THSD7A: variants seen among roughly 807,000 people sequenced by gnomAD.
THSD7A encodes thrombospondin type 1 domain containing 7A, also known as thrombospondin type-1 domain-containing protein 7A.
A neutral mutation model predicts 231.3 loss-of-function variants in THSD7A; 96 were observed. The ratio of observed to expected loss-of-function variants is 0.41; its 90% confidence interval spans 0.35 to 0.49. THSD7A has a LOEUF of 0.49. Ranked by LOEUF, THSD7A falls within the 20% of genes least tolerant of loss-of-function variation. The pLI is 0.05. For synonymous variants in THSD7A, 940 were observed against 743.3 expected (o/e 1.26, Z -4.30); for missense variants, 2,290 against 2,070.2 (o/e 1.11, Z -2.06).
chr7:11,593,650 A>G, intron 2 of THSD7A, 148 bp from the exon 3 acceptor site: 3 of 987,450 alleles, frequency 3.0e-6, no homozygotes, highest in Non-Finnish European at 4.5e-6. Flanking sequence ...AACATTTATG[A>G]TGTGGAAAAG....
intron 4 of THSD7A, among the ~76,000 whole-genome samples, chr7:11,553,905 C>G (rs1319552934): frequency 1.3e-5 from 2 of 151,762 alleles, no homozygotes; most frequent in East Asian, 3.9e-4. Flanking sequence ...ATGAAGTATT[C>G]TGAAGATACA....
chr7:11,601,449 T>G (rs187439351), intron 2 of THSD7A, among the ~76,000 whole-genome samples: 8 of 152,330 alleles, frequency 5.3e-5, no homozygotes, highest in Non-Finnish European at 1.0e-4. Flanking sequence ...TGGGCTTCTC[T>G]GCATGTGGCA....
At chr7:11,437,202 G>T (rs1444815812) in intron 13 of THSD7A, among the ~76,000 whole-genome samples, 2 of 152,040 alleles carry the variant, frequency 1.3e-5, no homozygotes, top group Non-Finnish European at 2.9e-5. Context: ...TGAGGTGTCG[G>T]AACATGAACT....
intron 6 of THSD7A, among the ~76,000 whole-genome samples, chr7:11,522,195 T>G (rs1353178573): frequency 1.3e-5 from 2 of 152,142 alleles, no homozygotes; most frequent in African/African-American, 2.4e-5. Context: ...AATAACATAT[T>G]CCTTTCTCTT....
intron 1 of THSD7A, among the ~76,000 whole-genome samples, chr7:11,816,352 G>A (rs1784704723): frequency 6.6e-6 from 1 of 152,160 alleles, no homozygotes; most frequent in Non-Finnish European, 1.5e-5. Flanking sequence ...TTTTTATACA[G>A]ATACATGTAA....
chr7:11,556,711 T>A (rs73052413), intron 4 of THSD7A, among the ~76,000 whole-genome samples: 37,995 of 151,794 alleles, frequency 0.25, 4,853 homozygotes, highest in Middle Eastern at 0.38. Context: ...TATTTTTCCT[T>A]CATTCTTGAA....
chr7:11,775,401 T>C (rs1783370022), intron 1 of THSD7A, among the ~76,000 whole-genome samples: 1 of 152,220 alleles, frequency 6.6e-6, no homozygotes, highest in Non-Finnish European at 1.5e-5. Flanking sequence ...CCCGCGTTCA[T>C]AGCAACATTA....
rs114686682 is a variant in THSD7A at position 11,445,971 on chromosome 7, A to T, written c.3064+90T>A. The T allele has an allele frequency of 1.7e-5, 26 of 1,488,950 alleles. No homozygotes were observed. The South Asian group carries it at 1.8e-4, about 10-fold the overall frequency. The allele number at this position is 1,488,950 out of a possible 1,614,324, so 92.2% of individuals were successfully genotyped here. ...GTTTAATTTAGAATATACGTCTGTA[A>T]ACCTTCACTTCCATTCCACTATGAT... On this transcript the variant is annotated intron_variant, in intron 13 of 27. Transcript: ENST00000423059.
rs1252959503 is a variant in THSD7A, at chr7:11,638,178, C to T, written c.191-1217G>A. On this transcript the variant is annotated intron_variant, in intron 1 of 27. Coordinates refer to ENST00000423059, the MANE Select transcript of THSD7A (RefSeq NM_015204.3). ...GGGATTATGCATAAGATTATGTCTGCAAGAGGTTTCTACTGTGGAAATTTG... is the reference window on the plus strand; with the variant it reads ...GGGATTATGCATAAGATTATGTCTGTAAGAGGTTTCTACTGTGGAAATTTG... Among the ~76,000 whole-genome samples, 3 of 152,148 alleles carry T rather than the reference C, an allele frequency of 2.0e-5. No individual in the cohort carries two copies. The East Asian group carries it at 5.8e-4, about 29-fold the overall frequency.
chr7:11,424,853 A>C (rs749528813), intron 15 of THSD7A, 24 bp from the exon 16 acceptor site: 15 of 1,612,450 alleles, frequency 9.3e-6, no homozygotes, highest in Non-Finnish European at 1.2e-5. Context: ...GGTTCTCAGC[A>C]ATCTCAGGGA....
At chr7:11,677,627 T>A (rs1335608305) in intron 1 of THSD7A, among the ~76,000 whole-genome samples, 42 of 88,684 alleles carry the variant, frequency 4.7e-4, no homozygotes, top group East Asian at 1.7e-3. Flanking sequence ...GGGGTTGCAA[T>A]CCTAGTCTCT....
chr7:11,727,508 C>CA lies in THSD7A; in HGVS notation c.191-90548dup, dbSNP rs569846222. Among the ~76,000 whole-genome samples the CA allele has an allele frequency of 1.6e-4, 25 of 151,952 alleles. No individual in the cohort carries two copies. The South Asian group carries it at 5.2e-3, about 32-fold the overall frequency. On this transcript the variant is annotated intron_variant, in intron 1 of 27. Coordinates refer to ENST00000423059, the MANE Select transcript of THSD7A (RefSeq NM_015204.3). ...ATAGAAATACTTATTATAAGATAGA[C>CA]ATTCATTTACTACTCTTTCTCAAAA...
chr7:11,558,653 A>T (rs533081230), intron 4 of THSD7A, among the ~76,000 whole-genome samples: 1 of 152,330 alleles, frequency 6.6e-6, no homozygotes, highest in South Asian at 2.1e-4. Flanking sequence ...CATAAAAAAG[A>T]AAGTGATCAC....
intron 1 of THSD7A, among the ~76,000 whole-genome samples, chr7:11,805,788 T>A (rs1400231861): frequency 6.6e-6 from 1 of 152,140 alleles, no homozygotes; most frequent in Non-Finnish European, 1.5e-5. Flanking sequence ...GTTTTTATAG[T>A]TACTTACATT....
At chr7:11,415,706 T>A (rs924147665) in intron 17 of THSD7A, among the ~76,000 whole-genome samples, 1 of 152,150 alleles carries the variant, frequency 6.6e-6, no homozygotes, top group Non-Finnish European at 1.5e-5. Context: ...CCTTCCCCCA[T>A]TTAAGGGAAA....
intron 6 of THSD7A, among the ~76,000 whole-genome samples, chr7:11,536,416 C>A (rs961555768): frequency 1.3e-5 from 2 of 152,164 alleles, no homozygotes; most frequent in Non-Finnish European, 2.9e-5. Flanking sequence ...TCATCCCTGA[C>A]TTTAGGCTGA....
intron 1 of THSD7A, among the ~76,000 whole-genome samples, chr7:11,769,137 A>T (rs1279201150): frequency 0.026 from 963 of 36,590 alleles, 71 homozygotes; most frequent in Non-Finnish European, 0.043. Flanking sequence ...ATATATATAT[A>T]TATATATATA....
chr7:11,378,079 C>T (rs189145336), intron 26 of THSD7A: 1 of 151,874 alleles, frequency 6.6e-6, no homozygotes, highest in Non-Finnish European at 1.5e-5. Context: ...AGCAAATCAC[C>T]CAAACACTTA....
intron 1 of THSD7A, among the ~76,000 whole-genome samples, chr7:11,784,375 AT>A (rs1166580335): frequency 6.0e-5 from 9 of 149,778 alleles, no homozygotes; most frequent in South Asian, 2.1e-4. Flanking sequence ...TTCCCAACTA[AT>A]TTTTTTTTCA....
Sources: gnomAD v4.1 joint callset for allele counts (sites outside exome capture counted in the v4.1 genomes callset) on GRCh38, gnomAD v4.1.1 for gene constraint, MANE v1.5 for transcripts, NCBI Gene and HGNC (gene_info 2026-07-23, HGNC 2026-07-21) for gene names.